The following CDH10 variants were observed in gnomAD, a reference collection of about 807,000 sequenced individuals.
The protein encoded by CDH10 is cadherin 10.
A neutral mutation model predicts 73.1 loss-of-function variants in CDH10; 30 were observed. The observed-to-expected ratio is 0.41, with a 90% CI of 0.31 to 0.56. The LOEUF (loss-of-function observed/expected upper bound fraction) is 0.56. CDH10 is among the 20% of genes least tolerant of loss of function. The pLI is 0.27. For missense variants in CDH10, 815 were observed against 973.7 expected (o/e 0.84, Z 2.17); for synonymous variants, 345 against 348.2 (o/e 0.99, Z 0.10).
chr5:24,613,466 T>C (rs1209649748), intron 1 of CDH10, among the ~76,000 whole-genome samples: 2 of 151,730 alleles, frequency 1.3e-5, no homozygotes, highest in South Asian at 2.1e-4. Flanking sequence ...TTTTCCTTCA[T>C]TGTTTTCACT....
intron 2 of CDH10, among the ~76,000 whole-genome samples, chr5:24,579,421 C>T (rs994791604): frequency 1.3e-5 from 2 of 151,938 alleles, no homozygotes; most frequent in Non-Finnish European, 2.9e-5. Flanking sequence ...ACACTGTTCC[C>T]TGCCAGATAC....
intron 1 of CDH10, among the ~76,000 whole-genome samples, chr5:24,626,792 ATGTG>A (rs58419965): frequency 2.7e-4 from 41 of 149,096 alleles, no homozygotes; most frequent in South Asian, 1.3e-3. Flanking sequence ...ATATATATAT[ATGTG>A]TGTGTGTGTG....
intron 1 of CDH10, among the ~76,000 whole-genome samples, chr5:24,604,494 C>T (rs1746682677): frequency 6.6e-6 from 1 of 151,904 alleles, no homozygotes; most frequent in African/African-American, 2.4e-5. Context: ...AATCATGACA[C>T]ATAAAAGAAA....
chr5:24,530,016 CTTTTTTT>C (rs34282847), intron 5 of CDH10, among the ~76,000 whole-genome samples: 1,574 of 121,836 alleles, frequency 0.013, 32 homozygotes, highest in African/African-American at 0.044. Flanking sequence ...TCTATTTTTA[CTTTTTTT>C]TTTTTTTTTT....
intron 1 of CDH10, among the ~76,000 whole-genome samples, chr5:24,626,792 ATGTGTG>A (rs58419965): frequency 6.0e-5 from 9 of 149,052 alleles, no homozygotes; most frequent in Non-Finnish European, 1.2e-4. Flanking sequence ...ATATATATAT[ATGTGTG>A]TGTGTGTGTG....
intron 2 of CDH10, among the ~76,000 whole-genome samples, chr5:24,544,069 G>A (rs1054641429): frequency 2.6e-5 from 4 of 152,158 alleles, no homozygotes; most frequent in African/African-American, 9.7e-5. Flanking sequence ...GCCGAGGAAG[G>A]CGGATCATGA....
intron 11 of CDH10, among the ~76,000 whole-genome samples, chr5:24,491,046 C>T (rs974755032): frequency 6.6e-6 from 1 of 152,122 alleles, no homozygotes; most frequent in African/African-American, 2.4e-5. Context: ...TCAGAAGAAC[C>T]ATTGCCCCAG....
intron 1 of CDH10, among the ~76,000 whole-genome samples, chr5:24,600,236 T>G (rs572135365): frequency 1.2e-3 from 190 of 152,300 alleles, no homozygotes; most frequent in Non-Finnish European, 2.0e-3. Context: ...TGTAAATCCT[T>G]CAATTATTGA....
At chr5:24,529,273 T>G (rs1395030) in intron 5 of CDH10, among the ~76,000 whole-genome samples, 70,114 of 151,666 alleles carry the variant, frequency 0.46, 16,452 homozygotes, top group East Asian at 0.58. Context: ...TTTAGGTTCC[T>G]CATAATTCTG....
Position 24,616,894 on chromosome 5 carries a change from A to T in CDH10, c.-123-23281T>A, listed in dbSNP as rs560247587. Among the ~76,000 whole-genome samples, 15 of 152,256 alleles carry T rather than the reference A, an allele frequency of 9.9e-5. No individual in the cohort carries two copies. In the East Asian group the frequency reaches 1.4e-3, roughly 14 times the overall value. ...GTTATCTTATCAATATATCTTTTTT[A>T]AAAAAATTCAAGGACATTTAAGCGA... On this transcript the variant is annotated intron_variant, in intron 1 of 11. Transcript: ENST00000264463.
chr5:24,569,402 T>C (rs1419581054), intron 2 of CDH10, among the ~76,000 whole-genome samples: 1 of 152,124 alleles, frequency 6.6e-6, no homozygotes, highest in African/African-American at 2.4e-5. Flanking sequence ...TGTATATTTT[T>C]TACAATAATA....
chr5:24,609,141 A>G (rs1318172730), intron 1 of CDH10, among the ~76,000 whole-genome samples: 2 of 152,210 alleles, frequency 1.3e-5, no homozygotes, highest in Non-Finnish European at 2.9e-5. Context: ...CTAAGAATAA[A>G]ATGTAGGAGA....
chr5:24,630,962 G>C lies in CDH10; in HGVS notation c.-124+13632C>G, dbSNP rs115728218. ...AGCAACATTATTGTTCCATCTTCTAGACAAGGGAACTGAGGTGTAGCTAGA... is the reference window on the plus strand; with the variant it reads ...AGCAACATTATTGTTCCATCTTCTACACAAGGGAACTGAGGTGTAGCTAGA... On this transcript the variant is annotated intron_variant, in intron 1 of 11. Coordinates refer to ENST00000264463, the MANE Select transcript of CDH10 (RefSeq NM_006727.5). Among the ~76,000 whole-genome samples the C allele has an allele frequency of 5.3e-3, 805 of 152,200 alleles. 5 individuals are homozygous for C. Among genetic ancestry groups the C allele is most frequent in the African/African-American group, 0.019 (771 of 41,526 alleles).
chr5:24,590,749 C>T (rs980119052), intron 2 of CDH10, among the ~76,000 whole-genome samples: 1 of 151,944 alleles, frequency 6.6e-6, no homozygotes, highest in African/African-American at 2.4e-5. Context: ...TAGTCTTGTC[C>T]TCATCAAACC....
chr5:24,596,380 T>C (rs1213534283), intron 1 of CDH10, among the ~76,000 whole-genome samples: 7 of 151,886 alleles, frequency 4.6e-5, no homozygotes, highest in African/African-American at 1.7e-4. Flanking sequence ...CTTTTTTTTT[T>C]GTCAGTGTGT....
At chr5:24,587,167 A>T (rs1746048819) in intron 2 of CDH10, among the ~76,000 whole-genome samples, 1 of 152,110 alleles carries the variant, frequency 6.6e-6, no homozygotes, top group African/African-American at 2.4e-5. Flanking sequence ...AATAAAATGG[A>T]TGTAGACATT....
intron 1 of CDH10, among the ~76,000 whole-genome samples, chr5:24,616,551 A>T (rs1020398028): frequency 6.6e-6 from 1 of 150,524 alleles, no homozygotes; most frequent in Non-Finnish European, 1.5e-5. Context: ...GTAGATTGCA[A>T]TTTTTTTTTT....
At chr5:24,532,341 A>G (rs564759102) in intron 5 of CDH10, among the ~76,000 whole-genome samples, 27 of 152,208 alleles carry the variant, frequency 1.8e-4, no homozygotes, top group African/African-American at 6.0e-4. Context: ...CACTGAGTCC[A>G]TGCTTCCTAG....
intron 5 of CDH10, among the ~76,000 whole-genome samples, chr5:24,514,632 GAT>G (rs1435199785): frequency 1.3e-5 from 2 of 152,014 alleles, no homozygotes; most frequent in African/African-American, 4.8e-5. Context: ...ATACAAAAAT[GAT>G]ATCACTGCCC....
Sources: gnomAD v4.1 joint callset for allele counts (sites outside exome capture counted in the v4.1 genomes callset) on GRCh38, gnomAD v4.1.1 for gene constraint, MANE v1.5 for transcripts, NCBI Gene and HGNC (gene_info 2026-07-23, HGNC 2026-07-21) for gene names.